KLHL1: variants seen among roughly 807,000 people sequenced by gnomAD.
The protein encoded by KLHL1 is kelch-like protein 1.
In KLHL1, 47 loss-of-function variants were observed where a neutral mutation model predicts 77.7. The observed-to-expected ratio is 0.60, with a 90% CI of 0.48 to 0.77. The LOEUF (loss-of-function observed/expected upper bound fraction) is 0.77, where lower values mean the gene tolerates loss of function less well. KLHL1 is among the 30% of genes least tolerant of loss of function. The pLI is 0.00. For missense variants in KLHL1, 925 were observed against 910.8 expected (o/e 1.02, Z -0.20); for synonymous variants, 360 against 325.2 (o/e 1.11, Z -1.15).
chr13:69,887,636 C>A, intron 4 of KLHL1, among the ~76,000 whole-genome samples: 1 of 152,158 alleles, frequency 6.6e-6, no homozygotes, highest in East Asian at 1.9e-4. Context: ...CAGCTAAGTT[C>A]TTTGCCACTT....
At chr13:70,074,080 G>A (rs1887204209) in intron 1 of KLHL1, among the ~76,000 whole-genome samples, 1 of 152,032 alleles carries the variant, frequency 6.6e-6, no homozygotes, top group Non-Finnish European at 1.5e-5. Flanking sequence ...GCCCACCTCG[G>A]CCTCCCAAAG....
At chr13:69,923,880 G>A (rs563027213) in intron 4 of KLHL1, among the ~76,000 whole-genome samples, 12 of 152,142 alleles carry the variant, frequency 7.9e-5, no homozygotes, top group Non-Finnish European at 1.6e-4. Flanking sequence ...GTGGGCCCAG[G>A]CATCTCTGCA....
intron 4 of KLHL1, among the ~76,000 whole-genome samples, chr13:69,920,144 T>G (rs115331037): frequency 6.6e-6 from 1 of 152,122 alleles, no homozygotes; most frequent in African/African-American, 2.4e-5. Context: ...AATTTGTTTG[T>G]TTTTGGCTCT....
At chr13:69,990,212 GA>G (rs1412268339) in intron 1 of KLHL1, among the ~76,000 whole-genome samples, 1 of 151,866 alleles carries the variant, frequency 6.6e-6, no homozygotes, top group African/African-American at 2.4e-5. Flanking sequence ...CAGCCACTAT[GA>G]AACACACTTA....
intron 3 of KLHL1, among the ~76,000 whole-genome samples, chr13:69,951,221 A>AG (rs1408541144): frequency 6.6e-6 from 1 of 151,478 alleles, no homozygotes; most frequent in East Asian, 1.9e-4. Context: ...TGCCTTTCCC[A>AG]GTATTTTTTG....
chr13:70,004,016 A>G (rs1269769966), intron 1 of KLHL1, among the ~76,000 whole-genome samples: 4 of 151,844 alleles, frequency 2.6e-5, no homozygotes, highest in Non-Finnish European at 4.4e-5. Flanking sequence ...TTGTTAAATC[A>G]TACACAATAC....
intron 4 of KLHL1, among the ~76,000 whole-genome samples, chr13:69,910,595 A>G (rs1339410667): frequency 6.6e-6 from 1 of 151,854 alleles, no homozygotes; most frequent in East Asian, 1.9e-4. Flanking sequence ...TTCCTATCAA[A>G]CATAGACTGA....
intron 1 of KLHL1, among the ~76,000 whole-genome samples, chr13:69,978,143 A>T (rs1884600891): frequency 6.6e-6 from 1 of 152,154 alleles, no homozygotes; most frequent in South Asian, 2.1e-4. Flanking sequence ...TAGCAAGAAC[A>T]GCAGAATTCT....
At chr13:69,936,514 G>C (rs1478569376) in intron 4 of KLHL1, among the ~76,000 whole-genome samples, 1 of 151,396 alleles carries the variant, frequency 6.6e-6, no homozygotes, top group Non-Finnish European at 1.5e-5. Context: ...GCCCGAACCT[G>C]GGAGGCGGAG....
chr13:69,780,700 A>G (rs1385474887), intron 7 of KLHL1, among the ~76,000 whole-genome samples: 5 of 69,686 alleles, frequency 7.2e-5, no homozygotes, highest in Admixed American at 5.5e-4. Context: ...ATATATATAT[A>G]TGTATATATA....
chr13:70,010,201 C>T (rs1207040442), intron 1 of KLHL1, among the ~76,000 whole-genome samples: 1 of 151,958 alleles, frequency 6.6e-6, no homozygotes, highest in Non-Finnish European at 1.5e-5. Flanking sequence ...AGATTTTATT[C>T]CATGTAAGAT....
chr13:70,075,777 A>G (rs1887255952), intron 1 of KLHL1, among the ~76,000 whole-genome samples: 2 of 146,998 alleles, frequency 1.4e-5, no homozygotes, highest in Admixed American at 1.4e-4. Flanking sequence ...ATATATACAT[A>G]TATATGTATA....
intron 2 of KLHL1, among the ~76,000 whole-genome samples, chr13:69,972,104 TTAAAGA>T (rs1192939111): frequency 1.3e-5 from 2 of 151,978 alleles, no homozygotes; most frequent in East Asian, 1.9e-4. Context: ...TCCTCTACTA[TTAAAGA>T]TAATCTATGT....
intron 6 of KLHL1, among the ~76,000 whole-genome samples, chr13:69,824,623 C>T (rs1018077389): frequency 1.3e-5 from 2 of 151,686 alleles, no homozygotes; most frequent in Non-Finnish European, 2.9e-5. Flanking sequence ...AAATAATATG[C>T]TAATTGAAAA....
At chr13:69,940,387 A>G (rs1056272560) in intron 3 of KLHL1, 151 bp from the exon 4 acceptor site, 82 of 545,244 alleles carry the variant, frequency 1.5e-4, no homozygotes, top group Non-Finnish European at 2.3e-4. Flanking sequence ...AAGGTCACCA[A>G]TTGTTTTAAG....
intron 3 of KLHL1, among the ~76,000 whole-genome samples, chr13:69,947,027 GTTGTGTGTGTGT>G (rs1593976446): frequency 1.1e-5 from 1 of 90,248 alleles, no homozygotes; most frequent in Non-Finnish European, 2.1e-5. Context: ...GTGTGTGTGT[GTTGTGTGTGTGT>G]GTGTGTGTGT....
intron 5 of KLHL1, among the ~76,000 whole-genome samples, chr13:69,861,909 G>A (rs1880181226): frequency 6.6e-6 from 1 of 150,562 alleles, no homozygotes; most frequent in Non-Finnish European, 1.5e-5. Flanking sequence ...AGGTTGTGGT[G>A]AGCCAAGATC....
chr13:69,712,779 G>C (rs1379122485), intron 9 of KLHL1, among the ~76,000 whole-genome samples: 1 of 146,286 alleles, frequency 6.8e-6, no homozygotes, highest in East Asian at 2.0e-4. Context: ...TTTTGGGGGG[G>C]GGGTTTTGTT....
chr13:69,962,014 C>A (rs1465129955), intron 2 of KLHL1, among the ~76,000 whole-genome samples: 4 of 151,796 alleles, frequency 2.6e-5, no homozygotes, highest in African/African-American at 9.7e-5. Context: ...AAAATAATTC[C>A]TAAAGCATTT....
Sources: gnomAD v4.1 joint callset for allele counts (sites outside exome capture counted in the v4.1 genomes callset) on GRCh38, gnomAD v4.1.1 for gene constraint, MANE v1.5 for transcripts, NCBI Gene and HGNC (gene_info 2026-07-23, HGNC 2026-07-21) for gene names.